Variants in CADM3 observed in about 807,000 individuals in gnomAD.
CADM3 encodes the protein TSLC1-like 1.
Under a neutral mutation model 44.9 loss-of-function variants are expected in CADM3, and 11 were observed. The ratio of observed to expected loss-of-function variants is 0.25; its 90% CI spans 0.15 to 0.41. CADM3 has a LOEUF of 0.41. Among genes scored for constraint, CADM3 ranks in the 10% least tolerant of loss-of-function variants. CADM3 has a pLI of 1.00. For missense variants in CADM3, 426 were observed against 512.0 expected (o/e 0.83, Z 1.62); for synonymous variants, 207 against 205.2 (o/e 1.01, Z -0.08).
At chr1:159,196,277 A>G in intron 5 of CADM3, 87 bp from the exon 6 acceptor site, 3 of 957,344 alleles carry the variant, frequency 3.1e-6, no homozygotes, top group Non-Finnish European at 4.9e-6. Context: ...AAACATTTAG[A>G]GGTAGAAGCT....
chr1:159,194,124 A>C (rs1649792941), intron 5 of CADM3, 84 bp downstream of exon 5: 1 of 1,381,886 alleles, frequency 7.2e-7, no homozygotes. Flanking sequence ...CTGTGCATGA[A>C]ACAACACGCA....
intron 1 of CADM3, among the ~76,000 whole-genome samples, chr1:159,186,954 C>T (rs1408208234): frequency 2.0e-5 from 3 of 152,224 alleles, no homozygotes; most frequent in African/African-American, 7.2e-5. Context: ...TATCAGTCCT[C>T]TGATCTGAAC....
Position 159,201,052 on chromosome 1 carries a change from T to A in CADM3, c.*130T>A, listed in dbSNP as rs1223237258. On this transcript the variant is annotated 3_prime_UTR_variant, in exon 9 of 9. Coordinates refer to ENST00000368125, the MANE Select transcript of CADM3 (RefSeq NM_001127173.3). ...TTGCTCCCCAGCCCACCCACCCCCC[T>A]GTACAGAATGTCTGCTTTGGGTGCG... 4.5e-5 allele frequency: 9 copies of A among 201,818 alleles called. No homozygotes were observed. In the African/African-American group the frequency reaches 1.3e-3, roughly 28 times the overall value. 12.5% of individuals were successfully genotyped at this position (201,818 alleles called of 1,614,324 possible). A position where few individuals can be genotyped will look rare whatever the true frequency, so the allele number is the denominator to read the frequency against.
At position 159,194,049 on chromosome 1, in the gene CADM3, T is replaced by C. The variant is rs1649789649; in HGVS notation, c.691+9T>C. On this transcript the variant is annotated intron_variant, in intron 5 of 8. Coordinates refer to ENST00000368125, the MANE Select transcript of CADM3 (RefSeq NM_001127173.3). The stretch of plus-strand genomic sequence containing the variant: ...ACGCATTGAAGTTTTATGTATGTCA[T>C]GGGCTTGGGGATGAAGAAGGATGAG... 2.5e-6 allele frequency: 4 copies of C among 1,610,368 alleles called. No individual in the cohort carries two copies. Among genetic ancestry groups the C allele is most frequent in the Non-Finnish European group, 3.4e-6 (4 of 1,177,412 alleles).
chr1:159,178,171 C>A (rs184715948), intron 1 of CADM3, among the ~76,000 whole-genome samples: 1 of 152,290 alleles, frequency 6.6e-6, no homozygotes, highest in East Asian at 1.9e-4. Flanking sequence ...AAGTTTAGTA[C>A]TGGCACAGCT....
In CADM3 at chr1:159,201,537, G is replaced by GC. The variant is rs929944360; in HGVS notation, c.*616dup. ...CCATAGCAATGGGAAAGTGATGAGTGCGGGAGTCCTGAGGAGATGTGGCCT... is the reference window on the plus strand; with the variant it reads ...CCATAGCAATGGGAAAGTGATGAGTGCCGGGAGTCCTGAGGAGATGTGGCCT... On this transcript the variant is annotated 3_prime_UTR_variant, in exon 9 of 9. Coordinates refer to ENST00000368125, the MANE Select transcript of CADM3 (RefSeq NM_001127173.3). The GC allele has an allele frequency of 1.3e-5, 2 of 152,420 alleles. No homozygotes were observed. Among genetic ancestry groups the GC allele is most frequent in the African/African-American group, 4.8e-5 (2 of 41,462 alleles). The allele number at this position is 152,420 out of a possible 1,614,324, so 9.4% of individuals were successfully genotyped here. A position where few individuals can be genotyped will look rare whatever the true frequency, so the allele number is the denominator to read the frequency against.
At chr1:159,176,981 C>A (rs1453666850) in intron 1 of CADM3, among the ~76,000 whole-genome samples, 1 of 152,086 alleles carries the variant, frequency 6.6e-6, no homozygotes, top group Non-Finnish European at 1.5e-5. Context: ...CTACTTACAG[C>A]AATTTTGGAT....
intron 1 of CADM3, among the ~76,000 whole-genome samples, chr1:159,184,066 A>G (rs1557932203): frequency 6.6e-6 from 1 of 152,226 alleles, no homozygotes; most frequent in Non-Finnish European, 1.5e-5. Context: ...TTCCAAATGC[A>G]CAACCAAATA....
intron 1 of CADM3, among the ~76,000 whole-genome samples, chr1:159,187,671 G>A (rs1649471233): frequency 6.6e-6 from 1 of 152,206 alleles, no homozygotes; most frequent in Non-Finnish European, 1.5e-5. Context: ...CCGAGGGACT[G>A]AGTGTGAGTC....
chr1:159,190,756 GGT>G (rs1649623050), intron 1 of CADM3, among the ~76,000 whole-genome samples: 2 of 152,212 alleles, frequency 1.3e-5, no homozygotes. Flanking sequence ...GACAGGCAGG[GGT>G]AAGGTAGGTG....
intron 1 of CADM3, among the ~76,000 whole-genome samples, chr1:159,188,898 T>A (rs1463978545): frequency 6.6e-6 from 1 of 152,136 alleles, no homozygotes; most frequent in African/African-American, 2.4e-5. Context: ...TTCCTTGCAA[T>A]ACCTCAAGAA....
intron 1 of CADM3, among the ~76,000 whole-genome samples, chr1:159,181,653 C>T (rs1160298663): frequency 6.6e-6 from 1 of 152,154 alleles, no homozygotes; most frequent in African/African-American, 2.4e-5. Flanking sequence ...GATCAAATCC[C>T]CTCCCTTTTT....
At chr1:159,182,391 C>CT (rs1011734073) in intron 1 of CADM3, among the ~76,000 whole-genome samples, 45 of 152,200 alleles carry the variant, frequency 3.0e-4, no homozygotes, top group African/African-American at 8.7e-4. Context: ...ATATTTGACA[C>CT]TTAGTGTCAA....
chr1:159,173,377 G>T (rs1648897354), intron 1 of CADM3, among the ~76,000 whole-genome samples: 1 of 152,134 alleles, frequency 6.6e-6, no homozygotes, highest in African/African-American at 2.4e-5. Flanking sequence ...TGATAAAGGA[G>T]CTTCCCCTGG....
intron 1 of CADM3, among the ~76,000 whole-genome samples, chr1:159,185,171 G>T (rs1445737407): frequency 6.6e-6 from 1 of 152,184 alleles, no homozygotes; most frequent in Non-Finnish European, 1.5e-5. Context: ...AGGGGTCCAT[G>T]AAATAGTCCC....
intron 2 of CADM3, 87 bp from the exon 3 acceptor site, chr1:159,192,491 T>C (rs1223885728): frequency 6.6e-7 from 1 of 1,525,194 alleles, no homozygotes; most frequent in Middle Eastern, 1.7e-4. Flanking sequence ...CTAGACCCCT[T>C]CCCCCAAAGA....
At chr1:159,186,281 C>A (rs1490568892) in intron 1 of CADM3, among the ~76,000 whole-genome samples, 1 of 152,156 alleles carries the variant, frequency 6.6e-6, no homozygotes, top group African/African-American at 2.4e-5. Context: ...GCTAGGCTGA[C>A]AACTCTGGGT....
intron 7 of CADM3, chr1:159,197,858 C>G (rs750893138): frequency 1.3e-5 from 2 of 152,182 alleles, no homozygotes; most frequent in Non-Finnish European, 1.5e-5. Flanking sequence ...GGCCTCCCAG[C>G]GATAAGAGGT....
rs867090530 is a variant in CADM3 at position 159,200,538 on chromosome 1, A to G, written c.1079-266A>G. On this transcript the variant is annotated intron_variant, in intron 8 of 8. Transcript: ENST00000368125. ...TGCAAGCACACACACACACACACAC[A>G]CACACACACACACACACTTCTCTTT... is the stretch of plus-strand genomic sequence containing the variant. Among the ~76,000 whole-genome samples the G allele has an allele frequency of 2.7e-3, 385 of 140,982 alleles. 2 individuals carry two copies. The highest frequency in any genetic ancestry group is 8.5e-3 in the African/African-American group (349 of 41,284). 92.5% of individuals were successfully genotyped at this position (140,982 alleles called of 152,430 possible). A position where few individuals can be genotyped will look rare whatever the true frequency, so the allele number is the denominator to read the frequency against.
Sources: gnomAD v4.1 joint callset for allele counts (sites outside exome capture counted in the v4.1 genomes callset) on GRCh38, gnomAD v4.1.1 for gene constraint, MANE v1.5 for transcripts, NCBI Gene and HGNC (gene_info 2026-07-23, HGNC 2026-07-21) for gene names.